Variants in FHIT observed in about 807,000 individuals in gnomAD.
FHIT encodes the protein bis(5'-adenosyl)-triphosphatase.
In FHIT, 19 loss-of-function variants were observed where a neutral mutation model predicts 17.9. The ratio of observed to expected loss-of-function variants is 1.06; its 90% confidence interval spans 0.74 to 1.56. The LOEUF is 1.56. FHIT is among the 40% of genes most tolerant of loss of function. The pLI, the probability that FHIT is intolerant of heterozygous loss-of-function variation, is 0.00. For synonymous variants in FHIT, 81 were observed against 69.7 expected (o/e 1.16, Z -0.81); for missense variants, 248 against 189.2 (o/e 1.31, Z -1.82).
At chr3:61,058,448 C>G (rs991179165) in intron 2 of FHIT, among the ~76,000 whole-genome samples, 2 of 152,164 alleles carry the variant, frequency 1.3e-5, no homozygotes, top group Non-Finnish European at 2.9e-5. Context: ...ACGCCTAAAT[C>G]TCATGTCAAA....
At chr3:60,713,776 T>C (rs540432199) in intron 4 of FHIT, among the ~76,000 whole-genome samples, 2 of 152,134 alleles carry the variant, frequency 1.3e-5, no homozygotes, top group Non-Finnish European at 2.9e-5. Flanking sequence ...GGATCTGAAA[T>C]TGTGGCAATA....
At chr3:60,422,022 C>T (rs1343509499) in intron 5 of FHIT, among the ~76,000 whole-genome samples, 3 of 152,110 alleles carry the variant, frequency 2.0e-5, no homozygotes, top group Non-Finnish European at 4.4e-5. Flanking sequence ...TATTGGAGAG[C>T]TCTTAGGCAG....
chr3:59,964,220 T>G (rs1293059041), intron 7 of FHIT, among the ~76,000 whole-genome samples: 1 of 152,124 alleles, frequency 6.6e-6, no homozygotes, highest in Non-Finnish European at 1.5e-5. Context: ...TATACTAAAA[T>G]TGCTTTTAGA....
rs578016359 is a variant in FHIT, at chr3:60,960,698, T to C, written c.-111+81349A>G. 7.2e-5 allele frequency among the ~76,000 whole-genome samples: 11 copies of C among 152,344 alleles called. No homozygotes were observed. The South Asian group carries it at 2.3e-3, about 32-fold the overall frequency. ...AGAACATGCAGTGTTTGGTTTTCTG[T>C]CCTTGCAATAGTTTGCTCAGAATGG... On this transcript the variant is annotated intron_variant, in intron 3 of 9. Coordinates refer to ENST00000492590, the MANE Select transcript of FHIT (RefSeq NM_002012.4).
intron 5 of FHIT, among the ~76,000 whole-genome samples, chr3:60,329,894 C>T (rs527496861): frequency 5.9e-5 from 9 of 152,274 alleles, no homozygotes; most frequent in African/African-American, 2.2e-4. Context: ...TTGAAAAAGA[C>T]TTGCATCTAT....
At chr3:60,242,957 C>T (rs1270482351) in intron 5 of FHIT, among the ~76,000 whole-genome samples, 1 of 151,836 alleles carries the variant, frequency 6.6e-6, no homozygotes. Flanking sequence ...ATCTCCAAGC[C>T]ACTAGGTCTT....
At chr3:61,216,429 C>G (rs1001645638) in intron 1 of FHIT, among the ~76,000 whole-genome samples, 3 of 152,172 alleles carry the variant, frequency 2.0e-5, no homozygotes, top group African/African-American at 7.2e-5. Context: ...AAATGCAAAT[C>G]AAAACCACAA....
intron 5 of FHIT, among the ~76,000 whole-genome samples, chr3:60,388,561 A>G (rs1701103832): frequency 6.6e-6 from 1 of 152,168 alleles, no homozygotes; most frequent in Non-Finnish European, 1.5e-5. Context: ...CGATCATGCC[A>G]CTACACTCCA....
intron 4 of FHIT, among the ~76,000 whole-genome samples, chr3:60,589,857 T>C (rs1027708319): frequency 6.6e-6 from 1 of 152,118 alleles, no homozygotes; most frequent in South Asian, 2.1e-4. Flanking sequence ...TTGGCAGCTA[T>C]ATTTCTCCTG....
At chr3:59,890,762 C>T (rs1703821265) in intron 8 of FHIT, among the ~76,000 whole-genome samples, 1 of 152,160 alleles carries the variant, frequency 6.6e-6, no homozygotes, top group Non-Finnish European at 1.5e-5. Context: ...TGCTTATTAT[C>T]TCTCTTCCGT....
At chr3:59,981,253 T>C (rs1204075726) in intron 7 of FHIT, among the ~76,000 whole-genome samples, 1 of 152,160 alleles carries the variant, frequency 6.6e-6, no homozygotes, top group Non-Finnish European at 1.5e-5. Context: ...TTTTTTTAAA[T>C]TTTAACTCAA....
At chr3:60,590,653 A>T (rs1193075800) in intron 4 of FHIT, among the ~76,000 whole-genome samples, 1 of 152,176 alleles carries the variant, frequency 6.6e-6, no homozygotes, top group Non-Finnish European at 1.5e-5. Context: ...TTCTGTGTGC[A>T]TGCCTAAAAA....
chr3:60,512,161 A>G (rs1232105839), intron 5 of FHIT, among the ~76,000 whole-genome samples: 1 of 152,202 alleles, frequency 6.6e-6, no homozygotes, highest in Non-Finnish European at 1.5e-5. Flanking sequence ...ATTGTGGAAC[A>G]AGACATGTCT....
intron 7 of FHIT, among the ~76,000 whole-genome samples, chr3:59,977,646 T>C (rs1182658898): frequency 1.3e-5 from 2 of 152,188 alleles, no homozygotes; most frequent in Non-Finnish European, 2.9e-5. Flanking sequence ...TTGTTTCGTC[T>C]AACAATTAAA....
chr3:60,235,238 T>TG (rs1553719258), intron 5 of FHIT, among the ~76,000 whole-genome samples: 3 of 101,756 alleles, frequency 2.9e-5, no homozygotes, highest in Non-Finnish European at 6.4e-5. Flanking sequence ...TTTGTTGTTT[T>TG]TTTTTTTTTT....
intron 5 of FHIT, among the ~76,000 whole-genome samples, chr3:60,340,692 T>C (rs1710473347): frequency 6.6e-6 from 1 of 152,148 alleles, no homozygotes; most frequent in Non-Finnish European, 1.5e-5. Flanking sequence ...ACTGTGAGTG[T>C]CCACTTATAT....
chr3:60,370,939 C>T (rs535379232), intron 5 of FHIT, among the ~76,000 whole-genome samples: 7 of 152,156 alleles, frequency 4.6e-5, no homozygotes, highest in Non-Finnish European at 7.3e-5. Context: ...CCTTTTAATT[C>T]GCTTCTCTAA....
chr3:60,432,259 A>C (rs1320095468), intron 5 of FHIT, among the ~76,000 whole-genome samples: 2 of 152,112 alleles, frequency 1.3e-5, no homozygotes, highest in African/African-American at 2.4e-5. Flanking sequence ...TAGAGGCATG[A>C]GCCACCATGC....
At chr3:59,753,268 A>G (rs1317381602) in intron 8 of FHIT, among the ~76,000 whole-genome samples, 1 of 152,216 alleles carries the variant, frequency 6.6e-6, no homozygotes. Flanking sequence ...GAAACAGTAA[A>G]AAAGAGATTA....
Sources: gnomAD v4.1 joint callset for allele counts (sites outside exome capture counted in the v4.1 genomes callset) on GRCh38, gnomAD v4.1.1 for gene constraint, MANE v1.5 for transcripts, NCBI Gene and HGNC (gene_info 2026-07-23, HGNC 2026-07-21) for gene names.